Variants in RUNX2 observed in about 807,000 individuals in gnomAD.
RUNX2 encodes RUNX family transcription factor 2.
RUNX2 carries 10 observed loss-of-function variants against 51.7 expected under a neutral mutation model. That is an observed-to-expected ratio of 0.19 (90% CI 0.12 to 0.33). The LOEUF is 0.33. Among genes scored for constraint, RUNX2 ranks in the 10% least tolerant of loss-of-function variants. RUNX2 has a pLI of 1.00. For synonymous variants in RUNX2, 276 were observed against 273.6 expected, an observed-to-expected ratio of 1.01 and a Z score of -0.09; for missense variants, 562 against 691.3, an observed-to-expected ratio of 0.81 and a Z score of 2.10.
intron 2 of RUNX2, among the ~76,000 whole-genome samples, chr6:45,351,743 G>A (rs1041357291): frequency 2.0e-5 from 3 of 151,924 alleles, no homozygotes; most frequent in African/African-American, 7.3e-5. Context: ...TTAGTGATCA[G>A]AACCTCCAAC....
At chr6:45,333,771 T>C (rs950142682) in intron 2 of RUNX2, among the ~76,000 whole-genome samples, 8 of 151,138 alleles carry the variant, frequency 5.3e-5, no homozygotes, top group Admixed American at 6.6e-5. Flanking sequence ...GAGAAAAAAA[T>C]TGTTATTCAT....
chr6:45,377,857 CG>C (rs1363629343), intron 2 of RUNX2: 1 of 153,828 alleles, frequency 6.5e-6, no homozygotes, highest in Non-Finnish European at 1.4e-5. Context: ...TGCTGCGGCC[CG>C]GGACACGCTT....
chr6:45,547,349 AC>A lies in RUNX2; in HGVS notation c.*45del. 1 of 1,386,262 alleles carries A rather than the reference AC, an allele frequency of 7.2e-7. No homozygotes were observed. The highest frequency in any genetic ancestry group is 1.7e-5 in the Admixed American group (1 of 59,744). The allele number at this position is 1,386,262 out of a possible 1,614,324, so 85.9% of individuals were successfully genotyped here. ...CAGTGGTATCTGGGGGCCACATCCC[AC>A]ACGTATCAATATATACATATATAGA... On this transcript the variant is annotated 3_prime_UTR_variant, in exon 9 of 9. Coordinates refer to ENST00000647337, the MANE Select transcript of RUNX2 (RefSeq NM_001024630.4).
At chr6:45,393,831 G>A (rs1401824826) in intron 2 of RUNX2, among the ~76,000 whole-genome samples, 1 of 152,010 alleles carries the variant, frequency 6.6e-6, no homozygotes, top group African/African-American at 2.4e-5. Context: ...AGGGCCTCAG[G>A]AAGCTTACAA....
At chr6:45,416,933 G>A (rs1023869860) in intron 2 of RUNX2, among the ~76,000 whole-genome samples, 1 of 152,096 alleles carries the variant, frequency 6.6e-6, no homozygotes, top group Admixed American at 6.5e-5. Context: ...AACAAGGAAA[G>A]GTTTATGATG....
chr6:45,381,092 G>C (rs977403797), intron 2 of RUNX2, among the ~76,000 whole-genome samples: 20 of 152,250 alleles, frequency 1.3e-4, no homozygotes, highest in African/African-American at 4.8e-4. Flanking sequence ...ATATTGTTTA[G>C]AACCGTATAT....
intron 2 of RUNX2, among the ~76,000 whole-genome samples, chr6:45,419,620 G>T (rs1183422028): frequency 6.6e-6 from 1 of 152,190 alleles, no homozygotes; most frequent in Admixed American, 6.5e-5. Context: ...CGGATCGGCC[G>T]CCTGTGGGAC....
intron 2 of RUNX2, among the ~76,000 whole-genome samples, chr6:45,348,462 T>C (rs1278346281): frequency 7.0e-6 from 1 of 142,510 alleles, no homozygotes; most frequent in Non-Finnish European, 1.5e-5. Context: ...AGGTCTAGAG[T>C]TCCAGACCAG....
intron 2 of RUNX2, chr6:45,421,862 C>G (rs1363754568): frequency 6.6e-6 from 1 of 152,020 alleles, no homozygotes; most frequent in Non-Finnish European, 1.5e-5. Context: ...CACCTTGAAG[C>G]GCGAGAGACA....
At chr6:45,374,620 A>T (rs1016024381) in intron 2 of RUNX2, among the ~76,000 whole-genome samples, 2 of 152,168 alleles carry the variant, frequency 1.3e-5, no homozygotes, top group Non-Finnish European at 2.9e-5. Context: ...TCTAATACAT[A>T]ATCAGATTTC....
chr6:45,542,185 C>G (rs561538250), intron 7 of RUNX2, among the ~76,000 whole-genome samples: 1 of 152,072 alleles, frequency 6.6e-6, no homozygotes. Context: ...CACACACTTT[C>G]CACTTGAAGA....
intron 5 of RUNX2, among the ~76,000 whole-genome samples, chr6:45,459,007 C>G (rs768581631): frequency 6.6e-6 from 1 of 152,216 alleles, no homozygotes; most frequent in African/African-American, 2.4e-5. Context: ...TCCTTCCCCT[C>G]TCCTGATTAA....
intron 8 of RUNX2, 86 bp downstream of exon 8, chr6:45,545,368 T>C: frequency 2.1e-6 from 3 of 1,415,606 alleles, no homozygotes; most frequent in Admixed American, 4.4e-5. Flanking sequence ...TGAGTTTTGT[T>C]AACTATATGT....
At chr6:45,387,484 G>A (rs906192039) in intron 2 of RUNX2, among the ~76,000 whole-genome samples, 16 of 152,222 alleles carry the variant, frequency 1.1e-4, no homozygotes, top group South Asian at 4.1e-4. Context: ...TGGGCACAGC[G>A]GAAGCCAAAG....
chr6:45,529,196 C>T (rs1400867537), intron 7 of RUNX2, among the ~76,000 whole-genome samples: 7 of 152,168 alleles, frequency 4.6e-5, no homozygotes, highest in Non-Finnish European at 1.0e-4. Context: ...TCTCCATGGA[C>T]ACAGCTTTCT....
chr6:45,495,781 T>C (rs1156806964), intron 6 of RUNX2, among the ~76,000 whole-genome samples: 3 of 152,222 alleles, frequency 2.0e-5, no homozygotes, highest in South Asian at 2.1e-4. Flanking sequence ...GAGGAAGTCA[T>C]AAGCATTTAG....
In RUNX2 at chr6:45,492,127, C is replaced by T. The variant is rs1800497924; in HGVS notation, c.859+13C>T. The T allele has an allele frequency of 1.2e-6, 2 of 1,613,542 alleles. No homozygotes were observed. Among genetic ancestry groups the T allele is most frequent in the Non-Finnish European group, 1.7e-6 (2 of 1,179,674 alleles). Reference sequence around the variant, plus strand: ...AGTCAGATTACAGGTAAGACAGACTCATAGGTTTCACTTGCATAGACGCTG... The same window carrying T: ...AGTCAGATTACAGGTAAGACAGACTTATAGGTTTCACTTGCATAGACGCTG... On this transcript the variant is annotated intron_variant, in intron 6 of 8. Transcript: ENST00000647337.
At chr6:45,491,391 A>G (rs1374635106) in intron 5 of RUNX2, among the ~76,000 whole-genome samples, 1 of 152,152 alleles carries the variant, frequency 6.6e-6, no homozygotes, top group Non-Finnish European at 1.5e-5. Flanking sequence ...AAAGGGGTTT[A>G]GGTTTGAGTT....
chr6:45,451,087 C>G (rs975950075), intron 5 of RUNX2, among the ~76,000 whole-genome samples: 7 of 152,262 alleles, frequency 4.6e-5, no homozygotes, highest in African/African-American at 1.7e-4. Context: ...TGGTGAACAA[C>G]TTGGTTTAAA....
Sources: allele counts gnomAD v4.1 joint callset (sites outside exome capture counted in the v4.1 genomes callset), GRCh38; gene constraint gnomAD v4.1.1; transcripts MANE v1.5; gene names NCBI Gene and HGNC (gene_info 2026-07-23, HGNC 2026-07-21).